The following FAM162A variants were observed in gnomAD, a reference collection of about 807,000 sequenced individuals.
The protein encoded by FAM162A is family with sequence similarity 162 member A.
A neutral mutation model predicts 21.8 loss-of-function variants in FAM162A; 23 were observed. The ratio of observed to expected loss-of-function variants is 1.05; its 90% CI spans 0.76 to 1.49. FAM162A has a LOEUF of 1.49. FAM162A is among the 40% of genes most tolerant of loss of function. The pLI, the probability that FAM162A is intolerant of heterozygous loss-of-function variation, is 0.00. For synonymous variants in FAM162A, 53 were observed against 61.3 expected (o/e 0.86, Z 0.64); for missense variants, 165 against 186.4 (o/e 0.89, Z 0.67).
At chr3:122,406,997 ATT>A (rs11459889) in intron 3 of FAM162A, among the ~76,000 whole-genome samples, 1 of 146,102 alleles carries the variant, frequency 6.8e-6, no homozygotes. Context: ...TGCCTTGCCC[ATT>A]TTTTTTTTTT....
At chr3:122,401,678 T>A (rs1297103055) in intron 1 of FAM162A, 2 of 393,550 alleles carry the variant, frequency 5.1e-6, no homozygotes, top group African/African-American at 4.4e-5. Flanking sequence ...TGTGAGATGG[T>A]ATTGCATTGT....
intron 3 of FAM162A, among the ~76,000 whole-genome samples, chr3:122,405,968 CCACA>C (rs1345630337): frequency 6.6e-6 from 1 of 152,188 alleles, no homozygotes; most frequent in Admixed American, 6.5e-5. Flanking sequence ...AGAACCCCGT[CCACA>C]TGCTGCCTCA....
At chr3:122,392,923 G>A (rs1308120649) in intron 1 of FAM162A, among the ~76,000 whole-genome samples, 1 of 152,138 alleles carries the variant, frequency 6.6e-6, no homozygotes, top group Non-Finnish European at 1.5e-5. Flanking sequence ...AAACTTAACA[G>A]TTAGAGAGCC....
chr3:122,390,623 T>G (rs1402788056), intron 1 of FAM162A, among the ~76,000 whole-genome samples: 1 of 152,168 alleles, frequency 6.6e-6, no homozygotes, highest in Non-Finnish European at 1.5e-5. Context: ...CACTATAGCC[T>G]CCAGCTAGCA....
chr3:122,397,543 T>G (rs2075634340), intron 1 of FAM162A, among the ~76,000 whole-genome samples: 1 of 152,174 alleles, frequency 6.6e-6, no homozygotes. Context: ...AGCTTTCATT[T>G]CTGTTCCACT....
rs187326690 is a variant in FAM162A at position 122,386,001 on chromosome 3, A to G, written c.34+1702A>G. Among the ~76,000 whole-genome samples, 105 of 152,344 alleles carry G rather than the reference A, an allele frequency of 6.9e-4. 1 individual carries two copies. Among genetic ancestry groups the G allele is most frequent in the Admixed American group, 5.9e-4 (9 of 15,308 alleles). On this transcript the variant is annotated intron_variant, in intron 1 of 4. Coordinates refer to ENST00000477892, the MANE Select transcript of FAM162A (RefSeq NM_014367.4). Reference sequence around the variant, plus strand: ...TGACTTGTCCAGGATCTCTTTGCCAAAAAATGTTAGAGCCAGGAGAGGGTA... The same window carrying G: ...TGACTTGTCCAGGATCTCTTTGCCAGAAAATGTTAGAGCCAGGAGAGGGTA...
At chr3:122,390,950 A>G (rs538320354) in intron 1 of FAM162A, among the ~76,000 whole-genome samples, 46 of 152,108 alleles carry the variant, frequency 3.0e-4, no homozygotes, top group Non-Finnish European at 5.4e-4. Flanking sequence ...GTCCAGCTAG[A>G]GGGTTAAAGG....
chr3:122,399,240 A>T (rs1047203308), intron 1 of FAM162A, among the ~76,000 whole-genome samples: 3 of 152,152 alleles, frequency 2.0e-5, no homozygotes, highest in Admixed American at 1.3e-4. Flanking sequence ...CTCCAGCTCC[A>T]TCAGTGTTCC....
At chr3:122,395,069 C>T (rs1173311390) in intron 1 of FAM162A, among the ~76,000 whole-genome samples, 1 of 152,188 alleles carries the variant, frequency 6.6e-6, no homozygotes, top group Non-Finnish European at 1.5e-5. Context: ...AATGCAACTC[C>T]TCTTCATTAT....
At position 122,410,846 on chromosome 3, in the gene FAM162A, G is replaced by A. The variant is rs1408375103; in HGVS notation, c.*1015G>A. The A allele has an allele frequency of 6.6e-6, 1 of 152,104 alleles. No individual in the cohort carries two copies. Among genetic ancestry groups the A allele is most frequent in the Non-Finnish European group, 1.5e-5 (1 of 68,028 alleles). 9.4% of individuals were successfully genotyped at this position (152,104 alleles called of 1,614,324 possible). A position where few individuals can be genotyped will look rare whatever the true frequency, so the allele number is the denominator to read the frequency against. On this transcript the variant is annotated 3_prime_UTR_variant, in exon 5 of 5. Transcript: ENST00000477892. ...CTTGCCAATCTGTTCCATCCACCTGGGATGTGAATCATCCCTCTCTCTGGT... is the reference window on the plus strand; with the variant it reads ...CTTGCCAATCTGTTCCATCCACCTGAGATGTGAATCATCCCTCTCTCTGGT...
chr3:122,385,283 G>A (rs1049215783), intron 1 of FAM162A, among the ~76,000 whole-genome samples: 3 of 152,058 alleles, frequency 2.0e-5, no homozygotes, highest in Admixed American at 6.5e-5. Flanking sequence ...CTAGTGTTCC[G>A]GTAGAGAATG....
intron 1 of FAM162A, among the ~76,000 whole-genome samples, chr3:122,395,154 C>T (rs1332666876): frequency 6.6e-6 from 1 of 152,226 alleles, no homozygotes; most frequent in Admixed American, 6.5e-5. Context: ...AAACCCACAA[C>T]TAACATCGGA....
chr3:122,389,536 A>T (rs966929209), intron 1 of FAM162A, among the ~76,000 whole-genome samples: 8 of 152,216 alleles, frequency 5.3e-5, no homozygotes, highest in African/African-American at 1.9e-4. Context: ...TCAAAGATGT[A>T]TGTAGAGAAC....
chr3:122,385,504 G>C (rs568003201), intron 1 of FAM162A, among the ~76,000 whole-genome samples: 1 of 152,272 alleles, frequency 6.6e-6, no homozygotes, highest in Admixed American at 6.5e-5. Context: ...CTGTAAAAAA[G>C]TTAAAATGGA....
chr3:122,408,028 T>C (rs2075684686), intron 4 of FAM162A: 1 of 152,240 alleles, frequency 6.6e-6, no homozygotes, highest in Non-Finnish European at 1.5e-5. Context: ...AGGAAAACTA[T>C]AGCTTAGAAA....
intron 1 of FAM162A, among the ~76,000 whole-genome samples, chr3:122,390,442 C>G (rs531728033): frequency 5.4e-4 from 82 of 152,236 alleles, no homozygotes; most frequent in African/African-American, 1.9e-3. Context: ...TGTCATATCT[C>G]CAGTCACATC....
chr3:122,406,226 G>A (rs1462295468), intron 3 of FAM162A, among the ~76,000 whole-genome samples: 1 of 152,082 alleles, frequency 6.6e-6, no homozygotes, highest in African/African-American at 2.4e-5. Flanking sequence ...GCCCCATAAG[G>A]GCTCCACATC....
rs768472734 is a variant in FAM162A, at chr3:122,384,301, T to A, written c.34+2T>A. On this transcript the variant is annotated splice_donor_variant, in intron 1 of 4. Coordinates refer to ENST00000477892, the MANE Select transcript of FAM162A (RefSeq NM_014367.4). LOFTEE classifies it high-confidence loss of function. ...TCAGCGGTCTGCGCCTGGCAGCAGG[T>A]GAGACGCCGGTCGGGATATGGGAGG... 6.3e-7 allele frequency: 1 copy of A among 1,576,418 alleles called. No homozygotes were observed. Among genetic ancestry groups the A allele is most frequent in the South Asian group, 1.2e-5 (1 of 85,826 alleles).
At chr3:122,398,430 A>C (rs936854317) in intron 1 of FAM162A, among the ~76,000 whole-genome samples, 4 of 152,246 alleles carry the variant, frequency 2.6e-5, no homozygotes. Context: ...TGGCATAATA[A>C]GACAGACACA....
Sources: allele counts gnomAD v4.1 joint callset (sites outside exome capture counted in the v4.1 genomes callset), GRCh38; gene constraint gnomAD v4.1.1; transcripts MANE v1.5; gene names NCBI Gene and HGNC (gene_info 2026-07-23, HGNC 2026-07-21).